CENPC: variants seen among roughly 807,000 people sequenced by gnomAD.
CENPC encodes the protein CENP-C 1.
A neutral mutation model predicts 112.1 loss-of-function variants in CENPC; 63 were observed. That is an observed-to-expected ratio of 0.56 (90% CI 0.46 to 0.69). The LOEUF is 0.69. Ranked by LOEUF, CENPC falls within the 30% of genes least tolerant of loss-of-function variation. The probability of loss-of-function intolerance (pLI) is 0.00; values close to 1 mark genes in which losing one functional copy is unlikely to be tolerated. For synonymous variants in CENPC, 333 were observed against 367.6 expected (o/e 0.91, Z 1.08); for missense variants, 1,000 against 1,103.8 (o/e 0.91, Z 1.33).
At chr4:67,541,337 C>CA (rs1726884694) in intron 2 of CENPC, among the ~76,000 whole-genome samples, 1 of 152,082 alleles carries the variant, frequency 6.6e-6, no homozygotes, top group African/African-American at 2.4e-5. Flanking sequence ...CTCAAAAACA[C>CA]AAATTTTTTT....
intron 5 of CENPC, among the ~76,000 whole-genome samples, chr4:67,525,788 A>C (rs888776656): frequency 7.2e-5 from 11 of 152,212 alleles, no homozygotes; most frequent in Admixed American, 3.9e-4. Flanking sequence ...CTAGAACCAG[A>C]AATACCATTC....
In CENPC at chr4:67,544,152, G is replaced by A; in HGVS notation, c.62C>T (p.Ser21Phe). The change falls in exon 2 of 19, where the codon TCC becomes TTC. Residue 21 changes from serine (S) to phenylalanine (F), a missense_variant. Physicochemically the swap from Ser to Phe is radical, Grantham distance 155 (BLOSUM62 -2). Coordinates refer to ENST00000273853, the MANE Select transcript of CENPC (RefSeq NM_001812.4). ...AAAGCTTAAGTACGTAAATCACCTGGAAGGTCGACAAAATCTTCTTCTGTA... is the reference window on the plus strand; with the variant it reads ...AAAGCTTAAGTACGTAAATCACCTGAAAGGTCGACAAAATCTTCTTCTGTA... ...NGYRRRFCRP[S>F]RARDINTEQG... 3.3e-6 allele frequency: 5 copies of A among 1,503,614 alleles called. No homozygotes were observed. The highest frequency in any genetic ancestry group is 4.6e-6 in the Non-Finnish European group (5 of 1,081,254). 93.1% of individuals were successfully genotyped at this position (1,503,614 alleles called of 1,614,324 possible). A position where few individuals can be genotyped will look rare whatever the true frequency, so the allele number is the denominator to read the frequency against.
Position 67,513,962 on chromosome 4 carries a change from C to A in CENPC, c.1444+112G>T, listed in dbSNP as rs896721758. The A allele has an allele frequency of 1.0e-5, 10 of 965,576 alleles. No homozygotes were observed. In the African/African-American group the frequency reaches 1.7e-4, roughly 16 times the overall value. The allele number at this position is 965,576 out of a possible 1,614,324, so 59.8% of individuals were successfully genotyped here. ...GAAAAGAACCTATAGGCTTTTCAGG[C>A]TCTTTGTTCATTTAGGTTTACTTTG... On this transcript the variant is annotated intron_variant, in intron 8 of 18. Transcript: ENST00000273853.
At chr4:67,527,436 T>C (rs1381742566) in intron 5 of CENPC, among the ~76,000 whole-genome samples, 1 of 150,806 alleles carries the variant, frequency 6.6e-6, no homozygotes, top group African/African-American at 2.4e-5. Flanking sequence ...AACATCTTAA[T>C]GTGAAAGATC....
At chr4:67,511,408 C>T (rs17624734) in intron 9 of CENPC, among the ~76,000 whole-genome samples, 28,976 of 152,058 alleles carry the variant, frequency 0.19, 3,490 homozygotes, top group Non-Finnish European at 0.27. Context: ...TATGATCCAC[C>T]AATCTTTTCA....
chr4:67,512,361 T>C, intron 9 of CENPC, 41 bp downstream of exon 9: 1 of 1,423,976 alleles, frequency 7.0e-7, no homozygotes. Context: ...TACAGAATGA[T>C]TTTGTCTATG....
chr4:67,518,241 C>T lies in CENPC; in HGVS notation c.745G>A (p.Asp249Asn), dbSNP rs1426281336. The T allele has an allele frequency of 4.5e-6, 7 of 1,560,208 alleles. No homozygotes were observed. The highest frequency in any genetic ancestry group is 6.1e-6 in the Non-Finnish European group (7 of 1,152,594). ...TGTCGTTGAATTTCATATTCTGAAT[C>T]TCGTATTCTATTCTGAGATGATCCT... The part of the protein sequence containing the change: ...PSGSSQNRIR[D>N]SEYEIQRQAK... The change falls in exon 7 of 19, where the codon GAT becomes AAT. Residue 249 changes from aspartate to asparagine, a missense_variant. Transcript: ENST00000273853.
In CENPC at chr4:67,472,758, G is replaced by A. The variant is rs546517490; in HGVS notation, c.2762-83C>T. ...TTAAGTATGTAGTCATCACCTGACA[G>A]TTGTAGTATAGGACACAAGATAAAA... On this transcript the variant is annotated intron_variant, in intron 18 of 18. Transcript: ENST00000273853. The A allele has an allele frequency of 1.3e-4, 175 of 1,309,562 alleles. No homozygotes were observed. In the African/African-American group the frequency reaches 2.2e-3, roughly 16 times the overall value. The allele number at this position is 1,309,562 out of a possible 1,614,324, so 81.1% of individuals were successfully genotyped here.
At chr4:67,507,347 TG>T (rs1269821828) in intron 10 of CENPC, among the ~76,000 whole-genome samples, 2 of 152,196 alleles carry the variant, frequency 1.3e-5, no homozygotes, top group Non-Finnish European at 2.9e-5. Context: ...CTCATCTCTT[TG>T]GTAGTTAGTT....
chr4:67,532,492 C>T (rs1376814395), intron 4 of CENPC, among the ~76,000 whole-genome samples: 2 of 152,100 alleles, frequency 1.3e-5, no homozygotes, highest in African/African-American at 4.8e-5. Flanking sequence ...GACTTCGAAC[C>T]AACCCAAATG....
At chr4:67,507,440 C>T (rs1042550773) in intron 10 of CENPC, among the ~76,000 whole-genome samples, 1 of 151,968 alleles carries the variant, frequency 6.6e-6, no homozygotes, top group Non-Finnish European at 1.5e-5. Flanking sequence ...CTGGGTCCTA[C>T]CATTAAAGTC....
Position 67,518,376 on chromosome 4 carries a change from G to A in CENPC, c.618-8C>T. The A allele has an allele frequency of 6.6e-7, 1 of 1,513,652 alleles. No individual in the cohort carries two copies. Among genetic ancestry groups the A allele is most frequent in the South Asian group, 1.3e-5 (1 of 76,346 alleles). The allele number at this position is 1,513,652 out of a possible 1,614,324, so 93.8% of individuals were successfully genotyped here. On this transcript the variant is annotated splice_region_variant and splice_polypyrimidine_tract_variant and intron_variant, in intron 6 of 18. Coordinates refer to ENST00000273853, the MANE Select transcript of CENPC (RefSeq NM_001812.4). ...TTATCATCAAAGTTTAACCTAAAAG[G>A]TTAAAAGGAGGGTAAGCTGAATGCT... is the stretch of plus-strand genomic sequence containing the variant.
chr4:67,485,475 C>CG (rs369939725), intron 17 of CENPC, among the ~76,000 whole-genome samples: 45 of 151,448 alleles, frequency 3.0e-4, no homozygotes, highest in Admixed American at 7.9e-4. Context: ...CTTAACCCCC[C>CG]CAATGTGATG....
intron 17 of CENPC, among the ~76,000 whole-genome samples, chr4:67,481,822 C>A (rs1177493964): frequency 6.6e-6 from 1 of 152,148 alleles, no homozygotes; most frequent in Non-Finnish European, 1.5e-5. Context: ...ATCAGAAAAA[C>A]CCTTCCAGAC....
intron 17 of CENPC, among the ~76,000 whole-genome samples, chr4:67,485,270 A>G (rs762462061): frequency 1.3e-5 from 2 of 152,222 alleles, no homozygotes; most frequent in Non-Finnish European, 1.5e-5. Context: ...AAGAAAGTAA[A>G]AGAGGATAAA....
rs953552042 is a variant in CENPC at position 67,469,051 on chromosome 4, T to C, written c.*3554A>G. ...TCACACATATGATGAAATAGAACTA[T>C]ACACATGCATTGTATCCTTGCCAAA... On this transcript the variant is annotated 3_prime_UTR_variant, in exon 19 of 19. Coordinates refer to ENST00000273853, the MANE Select transcript of CENPC (RefSeq NM_001812.4). 6.6e-6 allele frequency: 1 copy of C among 152,236 alleles called. No individual in the cohort carries two copies. The highest frequency in any genetic ancestry group is 2.4e-5 in the African/African-American group (1 of 41,468). The allele number at this position is 152,236 out of a possible 1,614,324, so 9.4% of individuals were successfully genotyped here.
At chr4:67,514,718 A>T (rs753852000) in intron 7 of CENPC, 31 bp from the exon 8 acceptor site, 9 of 1,533,122 alleles carry the variant, frequency 5.9e-6, no homozygotes, top group Non-Finnish European at 7.9e-6. Context: ...TAACAGTTCA[A>T]AAAAATAAAG....
At chr4:67,490,886 A>AGATG (rs1725241090) in intron 16 of CENPC, among the ~76,000 whole-genome samples, 1 of 140,700 alleles carries the variant, frequency 7.1e-6, no homozygotes, top group Non-Finnish European at 1.5e-5. Context: ...ATAGAAATAT[A>AGATG]TAGAAATATA....
intron 7 of CENPC, among the ~76,000 whole-genome samples, chr4:67,517,828 C>A (rs1450730992): frequency 1.3e-5 from 2 of 152,066 alleles, no homozygotes; most frequent in Non-Finnish European, 2.9e-5. Flanking sequence ...CAGAGCGAGA[C>A]CCTGTCTCAA....
Sources: gnomAD v4.1 joint callset for allele counts (sites outside exome capture counted in the v4.1 genomes callset) on GRCh38, gnomAD v4.1.1 for gene constraint, MANE v1.5 for transcripts, NCBI Gene and HGNC (gene_info 2026-07-23, HGNC 2026-07-21) for gene names.